The following ARMH3 variants were observed in gnomAD, a reference collection of about 807,000 sequenced individuals.
The protein encoded by ARMH3 is armadillo like helical domain containing 3, also known as armadillo-like helical domain-containing protein 3.
A neutral mutation model predicts 99.1 loss-of-function variants in ARMH3; 60 were observed. The observed-to-expected ratio is 0.61, with a 90% confidence interval of 0.49 to 0.75. ARMH3 has a LOEUF of 0.75. Ranked by LOEUF, ARMH3 falls within the 30% of genes least tolerant of loss-of-function variation. The pLI is 0.00. For synonymous variants in ARMH3, 285 were observed against 292.8 expected (o/e 0.97, Z 0.27); for missense variants, 679 against 843.1 (o/e 0.81, Z 2.41).
Position 101,847,607 on chromosome 10 carries a change from C to T in ARMH3, c.1991G>A (p.Ser664Asn). Reference protein sequence around the residue: ...AFFKELVRSISTNVRRNLAFH... With the variant: ...AFFKELVRSINTNVRRNLAFH... ...GGCCAGGTTTCTCCGGACGTTGGTG[C>T]TAATGGATCGAACCTGGGAAAGGGT... Residue 664 changes from serine to asparagine, a missense_variant, in exon 26 of 26, where the codon AGC (serine) becomes AAC (asparagine). Transcript: ENST00000370033. The T allele has an allele frequency of 6.2e-7, 1 of 1,614,132 alleles. No homozygotes were observed. Among genetic ancestry groups the T allele is most frequent in the Non-Finnish European group, 8.5e-7 (1 of 1,180,000 alleles).
intron 18 of ARMH3, 53 bp from the exon 19 acceptor site, chr10:101,990,664 G>T: frequency 2.1e-6 from 3 of 1,457,522 alleles, no homozygotes; most frequent in Non-Finnish European, 2.9e-6. Flanking sequence ...TTCATTTCTT[G>T]TCTTTGAGTT....
intron 8 of ARMH3, 140 bp from the exon 9 acceptor site, chr10:102,014,164 A>G: frequency 1.6e-6 from 1 of 620,256 alleles, no homozygotes; most frequent in Non-Finnish European, 2.8e-6. Context: ...CCCAATCCAT[A>G]TTGCCTGCTG....
intron 25 of ARMH3, among the ~76,000 whole-genome samples, chr10:101,849,333 G>A (rs2066532397): frequency 6.6e-6 from 1 of 152,242 alleles, no homozygotes; most frequent in Non-Finnish European, 1.5e-5. Context: ...AAGGGTGGGG[G>A]CTGCAGGAAG....
intron 2 of ARMH3, among the ~76,000 whole-genome samples, chr10:102,036,987 G>A (rs979858956): frequency 6.6e-6 from 1 of 151,692 alleles, no homozygotes; most frequent in Non-Finnish European, 1.5e-5. Context: ...AGGAGGTGGA[G>A]GCTGTAGTGA....
At chr10:102,000,675 T>C (rs1400015425) in intron 15 of ARMH3, among the ~76,000 whole-genome samples, 1 of 147,946 alleles carries the variant, frequency 6.8e-6, no homozygotes, top group Non-Finnish European at 1.5e-5. Flanking sequence ...GAGCCTGAGG[T>C]GGGAGAATCA....
rs2066472631 is a variant in ARMH3, at chr10:101,846,636, T to C, written c.*892A>G. ...GCACTGGGCAGATTCTCATCTCCAG[T>C]TTTCCCAGAGAAGTCAATTCTGAAT... is the stretch of plus-strand genomic sequence containing the variant. On this transcript the variant is annotated 3_prime_UTR_variant, in exon 26 of 26. Transcript: ENST00000370033. 1 of 152,060 alleles carries C rather than the reference T, an allele frequency of 6.6e-6. No homozygotes were observed. The highest frequency in any genetic ancestry group is 2.4e-5 in the African/African-American group (1 of 41,392). The allele number at this position is 152,060 out of a possible 1,614,324, so 9.4% of individuals were successfully genotyped here.
In ARMH3 at chr10:102,009,850, T is replaced by G. The variant is rs150834839; in HGVS notation, c.878+127A>C. 1.2e-4 allele frequency: 121 copies of G among 981,876 alleles called. No individual in the cohort carries two copies. The African/African-American group carries it at 1.3e-3, about 10-fold the overall frequency. 60.8% of individuals were successfully genotyped at this position (981,876 alleles called of 1,614,324 possible). On this transcript the variant is annotated intron_variant, in intron 12 of 25. Transcript: ENST00000370033. ...ATTAATGTTCAAAACCCATGAAACA[T>G]TTGAAAATCACCAAAAAAGTATGAT...
At chr10:102,001,378 TACC>T (rs1248497465) in intron 15 of ARMH3, among the ~76,000 whole-genome samples, 1 of 152,120 alleles carries the variant, frequency 6.6e-6, no homozygotes, top group African/African-American at 2.4e-5. Flanking sequence ...TCCACTACTC[TACC>T]ACCAAGTAAA....
intron 23 of ARMH3, among the ~76,000 whole-genome samples, chr10:101,902,023 G>A (rs540255164): frequency 1.3e-5 from 2 of 152,280 alleles, no homozygotes; most frequent in African/African-American, 4.8e-5. Flanking sequence ...AAAGCTAACA[G>A]GGTCAGATTT....
intron 18 of ARMH3, among the ~76,000 whole-genome samples, chr10:101,991,530 G>A (rs879601706): frequency 7.9e-5 from 12 of 152,174 alleles, no homozygotes; most frequent in Non-Finnish European, 1.3e-4. Context: ...ACAGGCGCAC[G>A]CCAACACGAC....
At chr10:101,947,955 C>A (rs996309713) in intron 22 of ARMH3, among the ~76,000 whole-genome samples, 6 of 151,672 alleles carry the variant, frequency 4.0e-5, no homozygotes, top group Non-Finnish European at 7.4e-5. Context: ...ACAAATATAG[C>A]CCAAAAGCCA....
intron 22 of ARMH3, among the ~76,000 whole-genome samples, chr10:101,941,467 C>G (rs1408725701): frequency 6.6e-6 from 1 of 152,178 alleles, no homozygotes; most frequent in Non-Finnish European, 1.5e-5. Context: ...TGAGTACCAT[C>G]ACTATGTACG....
intron 23 of ARMH3, among the ~76,000 whole-genome samples, chr10:101,935,555 A>G (rs557473210): frequency 1.3e-5 from 2 of 152,338 alleles, no homozygotes; most frequent in African/African-American, 4.8e-5. Flanking sequence ...CTAGGGAGAC[A>G]CTACCTTACA....
intron 17 of ARMH3, among the ~76,000 whole-genome samples, chr10:101,992,497 ATTT>A (rs71016357): frequency 7.0e-6 from 1 of 143,732 alleles, no homozygotes. Context: ...CCTCAATGTA[ATTT>A]TTTTTTTTTT....
chr10:101,855,817 C>T (rs1353525759), intron 24 of ARMH3, among the ~76,000 whole-genome samples: 1 of 149,666 alleles, frequency 6.7e-6, no homozygotes, highest in African/African-American at 2.4e-5. Flanking sequence ...TGGGAGGAGC[C>T]TTTGAAATCA....
intron 14 of ARMH3, 27 bp downstream of exon 14, chr10:102,006,513 A>T: frequency 6.3e-7 from 1 of 1,598,996 alleles, no homozygotes; most frequent in Non-Finnish European, 8.6e-7. Flanking sequence ...ATATTAACCA[A>T]GAAAAACAAA....
At chr10:102,039,019 G>A (rs1350203718) in intron 2 of ARMH3, among the ~76,000 whole-genome samples, 1 of 152,032 alleles carries the variant, frequency 6.6e-6, no homozygotes, top group Admixed American at 6.6e-5. Flanking sequence ...AGGATTACAG[G>A]CATGGGCCAC....
At chr10:101,947,926 A>G (rs1484085630) in intron 22 of ARMH3, among the ~76,000 whole-genome samples, 5 of 152,144 alleles carry the variant, frequency 3.3e-5, no homozygotes, top group African/African-American at 1.2e-4. Context: ...ATGTAATCTT[A>G]GAGTAACTGC....
intron 20 of ARMH3, among the ~76,000 whole-genome samples, chr10:101,968,812 A>G (rs917648337): frequency 1.3e-5 from 2 of 152,190 alleles, no homozygotes; most frequent in Non-Finnish European, 1.5e-5. Context: ...GCTTCCTGGC[A>G]TTCCTTTTTA....
Sources: allele counts gnomAD v4.1 joint callset (sites outside exome capture counted in the v4.1 genomes callset), GRCh38; gene constraint gnomAD v4.1.1; transcripts MANE v1.5; gene names NCBI Gene and HGNC (gene_info 2026-07-23, HGNC 2026-07-21).